Variants in EXD3 observed in about 807,000 individuals in gnomAD.
The protein encoded by EXD3 is exonuclease mut-7 homolog.
In EXD3, 92 loss-of-function variants were observed where a neutral mutation model predicts 98.0. The observed-to-expected ratio is 0.94, with a 90% CI of 0.79 to 1.12. The LOEUF (loss-of-function observed/expected upper bound fraction) is 1.12, where lower values mean the gene tolerates loss of function less well. EXD3 is among the 50% of genes most tolerant of loss of function. The pLI is 0.00. For synonymous variants in EXD3, 569 were observed against 526.0 expected, an observed-to-expected ratio of 1.08 and a Z score of -1.12; for missense variants, 1,222 against 1,191.6, an observed-to-expected ratio of 1.03 and a Z score of -0.38.
chr9:137,396,464 C>T (rs1199442432), intron 1 of EXD3, among the ~76,000 whole-genome samples: 1 of 152,144 alleles, frequency 6.6e-6, no homozygotes, highest in Non-Finnish European at 1.5e-5. Context: ...AGAGCTGTGC[C>T]GCCCTCCCCC....
chr9:137,415,716 G>A (rs1002632882), intron 1 of EXD3, among the ~76,000 whole-genome samples: 3 of 152,212 alleles, frequency 2.0e-5, no homozygotes, highest in Non-Finnish European at 2.9e-5. Context: ...ACGGGGCTGG[G>A]GCCAACAGTC....
chr9:137,381,943 G>A (rs1398297856), intron 3 of EXD3, among the ~76,000 whole-genome samples: 1 of 151,800 alleles, frequency 6.6e-6, no homozygotes, highest in African/African-American at 2.4e-5. Context: ...GTGAGAGCAC[G>A]AGGAGGAGGT....
In EXD3 at chr9:137,306,999, C is replaced by T. The variant is rs1831075417; in HGVS notation, c.2582G>A (p.Ser861Asn). 1 of 1,610,030 alleles carries T rather than the reference C, an allele frequency of 6.2e-7. No individual in the cohort carries two copies. The highest frequency in any genetic ancestry group is 1.3e-5 in the African/African-American group (1 of 74,970). ...HFRDMLESAP[S>N]PCEPSPAPSP... Reference sequence around the variant, plus strand: ...GGGGGCTGGGCTCGGCTCGCAGGGGCTGGGGGCGCTCTCCAGCATGTCTCG... The same window carrying T: ...GGGGGCTGGGCTCGGCTCGCAGGGGTTGGGGGCGCTCTCCAGCATGTCTCG... Residue 861 changes from serine (S) to asparagine (N), a missense_variant, in exon 22 of 22, where the codon AGC becomes AAC. Ser to Asn is a conservative substitution (Grantham distance 46). Transcript: ENST00000340951.
intron 7 of EXD3, chr9:137,357,423 CTT>C (rs961704068): frequency 6.6e-6 from 1 of 152,132 alleles, no homozygotes; most frequent in Non-Finnish European, 1.5e-5. Context: ...CATCTTTTCT[CTT>C]TGATTTTCCT....
intron 4 of EXD3, 119 bp from the exon 5 acceptor site, chr9:137,373,191 C>A: frequency 7.7e-7 from 1 of 1,302,796 alleles, no homozygotes; most frequent in South Asian, 1.4e-5. Context: ...GTGTGGGCAT[C>A]GGGTGGTCTG....
chr9:137,354,608 T>C (rs991223531), intron 9 of EXD3, 92 bp downstream of exon 9: 14 of 1,574,748 alleles, frequency 8.9e-6, no homozygotes, highest in African/African-American at 5.4e-5. Context: ...GATATGTCTG[T>C]GCACCCTGCA....
rs1018618908 is a variant in EXD3, at chr9:137,405,287, C to T, written c.-47-9883G>A. Among the ~76,000 whole-genome samples the T allele has an allele frequency of 3.3e-5, 5 of 152,224 alleles. No individual in the cohort carries two copies. In the East Asian group the frequency reaches 9.6e-4, roughly 29 times the overall value. On this transcript the variant is annotated intron_variant, in intron 1 of 21. Coordinates refer to ENST00000340951, the MANE Select transcript of EXD3 (RefSeq NM_017820.5). The surrounding 1 kb of genome is among the most constrained non-coding windows in gnomAD (Gnocchi z 4.1). ...CCCCCGGGGGAAGGCGGTGGGCACC[C>T]AGGGCCAGAGCAGGGGCCAGAGCCC...
At chr9:137,369,839 C>T (rs1183562354) in intron 5 of EXD3, among the ~76,000 whole-genome samples, 2 of 152,232 alleles carry the variant, frequency 1.3e-5, no homozygotes, top group Admixed American at 6.5e-5. Flanking sequence ...CTCTTCACCA[C>T]GGCCATTCAG....
intron 1 of EXD3, among the ~76,000 whole-genome samples, chr9:137,397,918 G>C (rs947460992): frequency 6.7e-6 from 1 of 148,234 alleles, no homozygotes; most frequent in Non-Finnish European, 1.5e-5. Flanking sequence ...CTTCCAACCT[G>C]CATGACAGAG....
intron 1 of EXD3, among the ~76,000 whole-genome samples, chr9:137,416,516 G>A (rs529549388): frequency 6.6e-6 from 1 of 152,218 alleles, no homozygotes; most frequent in Non-Finnish European, 1.5e-5. Flanking sequence ...CCCCCGGGCA[G>A]GCGCCCGGAA....
At chr9:137,331,887 G>A (rs906774711) in intron 17 of EXD3, among the ~76,000 whole-genome samples, 1 of 152,238 alleles carries the variant, frequency 6.6e-6, no homozygotes, top group Admixed American at 6.5e-5. Context: ...CTGCACTCCC[G>A]CCTGGGCAAC....
At chr9:137,333,039 C>T (rs543691864) in intron 17 of EXD3, among the ~76,000 whole-genome samples, 13 of 152,154 alleles carry the variant, frequency 8.5e-5, no homozygotes, top group Middle Eastern at 3.4e-3. Flanking sequence ...CAGTGGGCAC[C>T]GTCTAATCAG....
At chr9:137,387,721 C>T (rs916278492) in intron 2 of EXD3, among the ~76,000 whole-genome samples, 6 of 152,316 alleles carry the variant, frequency 3.9e-5, no homozygotes, top group African/African-American at 7.2e-5. Context: ...GAGCTGACAC[C>T]GAGGGACCTC....
intron 10 of EXD3, 41 bp from the exon 11 acceptor site, chr9:137,352,827 G>A: frequency 6.4e-7 from 1 of 1,558,158 alleles, no homozygotes; most frequent in Non-Finnish European, 8.7e-7. Context: ...TGGGGACATT[G>A]CTGTGCCACA....
At chr9:137,376,530 G>A (rs528820990) in intron 3 of EXD3, among the ~76,000 whole-genome samples, 38 of 151,950 alleles carry the variant, frequency 2.5e-4, no homozygotes, top group South Asian at 4.2e-4. Context: ...TGGAGTTTCC[G>A]GCCACCTTCA....
At chr9:137,372,754 G>T in intron 5 of EXD3, 151 bp downstream of exon 5, 1 of 795,544 alleles carries the variant, frequency 1.3e-6, no homozygotes, top group Non-Finnish European at 1.9e-6. Flanking sequence ...GCACACAGCT[G>T]ATGGCTGCCC....
In EXD3 at chr9:137,352,748, C is replaced by T. The variant is rs1224930426; in HGVS notation, c.909G>A (p.Leu303=). ...VGQSPWLQEQ[L]SQLLVSHSDP... The stretch of plus-strand genomic sequence containing the variant: ...CACTGTGGGAGACCAGCAGCTGAGA[C>T]AGCTGCTCCTGAAGCCACGGGCTCT... The change falls in exon 11 of 22, where the codon CTG becomes CTA. Residue 303 remains leucine, a synonymous_variant. Coordinates refer to ENST00000340951, the MANE Select transcript of EXD3 (RefSeq NM_017820.5). The T allele has an allele frequency of 2.5e-6, 4 of 1,577,800 alleles. No homozygotes were observed. Among genetic ancestry groups the T allele is most frequent in the South Asian group, 1.2e-5 (1 of 86,186 alleles).
intron 19 of EXD3, among the ~76,000 whole-genome samples, chr9:137,315,989 G>T (rs1424764752): frequency 2.0e-5 from 2 of 98,660 alleles, no homozygotes; most frequent in Non-Finnish European, 4.2e-5. Flanking sequence ...GCCCCCTCCC[G>T]TCTCTGAGCC....
At chr9:137,366,146 G>A (rs1237891433) in intron 7 of EXD3, 2 of 699,928 alleles carry the variant, frequency 2.9e-6, no homozygotes, top group Admixed American at 2.0e-5. Context: ...CACACCAAGT[G>A]CTTCCAAAAA....
Sources: gnomAD v4.1 joint callset for allele counts (sites outside exome capture counted in the v4.1 genomes callset) on GRCh38, gnomAD v4.1.1 for gene constraint, Gnocchi (gnomAD v3.1) non-coding constraint, MANE v1.5 for transcripts, NCBI Gene and HGNC (gene_info 2026-07-23, HGNC 2026-07-21) for gene names.